The following CAMK4 variants were observed in gnomAD, a reference collection of about 807,000 sequenced individuals.
CAMK4 encodes calcium/calmodulin dependent protein kinase IV.
Under a neutral mutation model 44.9 loss-of-function variants are expected in CAMK4, and 22 were observed. The ratio of observed to expected loss-of-function variants is 0.49; its 90% CI spans 0.35 to 0.70. The LOEUF (loss-of-function observed/expected upper bound fraction) is 0.70, where lower values mean the gene tolerates loss of function less well. Among genes scored for constraint, CAMK4 ranks in the 30% least tolerant of loss-of-function variants. The pLI is 0.01. For synonymous variants in CAMK4, 218 were observed against 215.4 expected, an observed-to-expected ratio of 1.01 and a Z score of -0.11; for missense variants, 498 against 586.8, an observed-to-expected ratio of 0.85 and a Z score of 1.56.
At chr5:111,381,205 T>C (rs1310506801) in intron 4 of CAMK4, among the ~76,000 whole-genome samples, 16 of 152,160 alleles carry the variant, frequency 1.1e-4, no homozygotes, top group Non-Finnish European at 1.5e-5. Flanking sequence ...AGTGTATTAG[T>C]TAAGGATCTG....
intron 1 of CAMK4, among the ~76,000 whole-genome samples, chr5:111,294,372 C>T (rs1747401895): frequency 6.6e-6 from 1 of 152,200 alleles, no homozygotes; most frequent in South Asian, 2.1e-4. Context: ...CCTCTAATTA[C>T]TTTGCACATA....
intron 1 of CAMK4, among the ~76,000 whole-genome samples, chr5:111,317,904 A>T: frequency 1.1e-5 from 1 of 87,360 alleles, no homozygotes; most frequent in African/African-American, 4.6e-5. Flanking sequence ...TATGTAAAAA[A>T]AAAAAAAAAA....
chr5:111,419,971 T>A lies in CAMK4; in HGVS notation c.459+25189T>A, dbSNP rs960266179. On this transcript the variant is annotated intron_variant, in intron 5 of 10. Transcript: ENST00000282356. ...TGAACTTTAAAGTAGTTTTTTCCAA[T>A]TCTGTGAAGAAAGTCATTGGTAGCT... Among the ~76,000 whole-genome samples the A allele has an allele frequency of 3.3e-5, 5 of 152,276 alleles. No homozygotes were observed. In the South Asian group the frequency reaches 6.2e-4, roughly 19 times the overall value.
intron 1 of CAMK4, among the ~76,000 whole-genome samples, chr5:111,320,850 A>G (rs536540635): frequency 6.6e-6 from 1 of 152,312 alleles, no homozygotes; most frequent in Admixed American, 6.5e-5. Flanking sequence ...TGTCTTTCAC[A>G]TTTTAACATC....
At position 111,399,819 on chromosome 5, in the gene CAMK4, G is replaced by T. The variant is rs80254621; in HGVS notation, c.459+5037G>T. On this transcript the variant is annotated intron_variant, in intron 5 of 10. Coordinates refer to ENST00000282356, the MANE Select transcript of CAMK4 (RefSeq NM_001744.6). ...GTATGTTCTTTCTTTACCTCTGTCCGTTCAGATCAGCTCTTGATTCTTTAG... is the reference window on the plus strand; with the variant it reads ...GTATGTTCTTTCTTTACCTCTGTCCTTTCAGATCAGCTCTTGATTCTTTAG... 3.9e-5 allele frequency among the ~76,000 whole-genome samples: 6 copies of T among 152,122 alleles called. No individual in the cohort carries two copies. In the South Asian group the frequency reaches 1.0e-3, roughly 26 times the overall value.
chr5:111,386,528 C>T (rs1400965821), intron 4 of CAMK4, among the ~76,000 whole-genome samples: 1 of 152,078 alleles, frequency 6.6e-6, no homozygotes, highest in African/African-American at 2.4e-5. Context: ...AGCTGCTGTG[C>T]GCGTGTTAAC....
At chr5:111,335,905 T>C (rs761729669) in intron 1 of CAMK4, among the ~76,000 whole-genome samples, 1 of 151,404 alleles carries the variant, frequency 6.6e-6, no homozygotes, top group Non-Finnish European at 1.5e-5. Flanking sequence ...CAACTCTCTC[T>C]TTTTGTGTAA....
intron 7 of CAMK4, among the ~76,000 whole-genome samples, chr5:111,469,188 T>A (rs1439896522): frequency 7.5e-6 from 1 of 132,484 alleles, no homozygotes; most frequent in East Asian, 2.2e-4. Flanking sequence ...TATATATATA[T>A]ATATATATAT....
Position 111,378,147 on chromosome 5 carries a change from G to A in CAMK4, c.386+1205G>A, listed in dbSNP as rs187408525. ...AGCCCTCCAGAATGAGATTAGTGCCGTTATAAAAGAGGCCCTAGAGAGCTG... is the reference window on the plus strand; with the variant it reads ...AGCCCTCCAGAATGAGATTAGTGCCATTATAAAAGAGGCCCTAGAGAGCTG... On this transcript the variant is annotated intron_variant, in intron 4 of 10. Transcript: ENST00000282356. Among the ~76,000 whole-genome samples the A allele has an allele frequency of 2.4e-4, 37 of 152,052 alleles. 1 individual carries two copies. Among genetic ancestry groups the A allele is most frequent in the East Asian group, 1.6e-3 (8 of 5,156 alleles).
chr5:111,240,459 A>T (rs1023214161), intron 1 of CAMK4, among the ~76,000 whole-genome samples: 1 of 152,238 alleles, frequency 6.6e-6, no homozygotes, highest in Non-Finnish European at 1.5e-5. Flanking sequence ...CTAACGTGAT[A>T]CCTAAGTTGT....
chr5:111,335,059 A>G (rs1749340223), intron 1 of CAMK4, among the ~76,000 whole-genome samples: 2 of 151,476 alleles, frequency 1.3e-5, no homozygotes, highest in Admixed American at 1.3e-4. Context: ...GGAGCGGAGA[A>G]ACATGGTAGT....
At chr5:111,426,261 T>C (rs1753223206) in intron 5 of CAMK4, among the ~76,000 whole-genome samples, 1 of 152,202 alleles carries the variant, frequency 6.6e-6, no homozygotes, top group Non-Finnish European at 1.5e-5. Context: ...TAAAATTTTA[T>C]TGTGTAAATA....
intron 7 of CAMK4, among the ~76,000 whole-genome samples, chr5:111,464,120 G>A (rs921626746): frequency 1.3e-4 from 20 of 151,720 alleles, no homozygotes; most frequent in Non-Finnish European, 2.8e-4. Context: ...AAAATCTTCA[G>A]GGAAATAGCA....
intron 3 of CAMK4, among the ~76,000 whole-genome samples, chr5:111,375,854 C>A (rs1359478075): frequency 6.6e-6 from 1 of 152,070 alleles, no homozygotes; most frequent in Non-Finnish European, 1.5e-5. Flanking sequence ...ACAATTTTTG[C>A]AAGTCATCAC....
intron 1 of CAMK4, among the ~76,000 whole-genome samples, chr5:111,335,437 C>T (rs1288155999): frequency 6.6e-6 from 1 of 151,314 alleles, no homozygotes; most frequent in Admixed American, 6.6e-5. Flanking sequence ...GTTATGTCAA[C>T]ACTCCTGCAT....
Position 111,224,741 on chromosome 5 carries a change from G to A in CAMK4, c.161+97G>A. ...GGAGGGTGCGGGAGCCTGCCTTCGT[G>A]CCCTTCGATTTCTCCCTACCTAGTT... is the stretch of plus-strand genomic sequence containing the variant. On this transcript the variant is annotated intron_variant, in intron 1 of 10. Transcript: ENST00000282356. This position sits in a 1 kb window ranked among gnomAD's most constrained non-coding sequence, Gnocchi z 5.7. 1 of 1,201,796 alleles carries A rather than the reference G, an allele frequency of 8.3e-7. No homozygotes were observed. The highest frequency in any genetic ancestry group is 2.6e-5 in the East Asian group (1 of 37,772). 74.4% of individuals were successfully genotyped at this position (1,201,796 alleles called of 1,614,324 possible).
Position 111,365,217 on chromosome 5 carries a change from G to A in CAMK4, c.241-9633G>A, listed in dbSNP as rs1365361050. The A allele has an allele frequency of 2.0e-5, 3 of 152,210 alleles. No homozygotes were observed. In the East Asian group the frequency reaches 5.8e-4, roughly 29 times the overall value. 9.4% of individuals were successfully genotyped at this position (152,210 alleles called of 1,614,324 possible). On this transcript the variant is annotated intron_variant, in intron 2 of 10. Coordinates refer to ENST00000282356, the MANE Select transcript of CAMK4 (RefSeq NM_001744.6). ...AATGGACAGGGCCAAGGCATTATTA[G>A]TATATACTAGTGGACCATAGAATCT...
At chr5:111,255,637 G>A (rs1020511004) in intron 1 of CAMK4, among the ~76,000 whole-genome samples, 83 of 152,294 alleles carry the variant, frequency 5.4e-4, no homozygotes, top group Non-Finnish European at 1.0e-3. Context: ...CCTGTCTCGG[G>A]AATGGAAACA....
chr5:111,436,668 T>C (rs1034625283), intron 5 of CAMK4, among the ~76,000 whole-genome samples: 5 of 152,232 alleles, frequency 3.3e-5, no homozygotes, highest in Non-Finnish European at 4.4e-5. Context: ...AACAGATGCC[T>C]TTGAACTTGC....
Sources: allele counts gnomAD v4.1 joint callset (sites outside exome capture counted in the v4.1 genomes callset), GRCh38; gene constraint gnomAD v4.1.1; non-coding constraint Gnocchi (gnomAD v3.1); transcripts MANE v1.5; gene names NCBI Gene and HGNC (gene_info 2026-07-23, HGNC 2026-07-21).